The following GNAL variants were observed in gnomAD, a reference collection of about 807,000 sequenced individuals.
The protein encoded by GNAL is G protein subunit alpha L.
In GNAL, 18 loss-of-function variants were observed where a neutral mutation model predicts 55.1. The ratio of observed to expected loss-of-function variants is 0.33; its 90% confidence interval spans 0.23 to 0.48. The LOEUF is 0.48. Ranked by LOEUF, GNAL falls within the 20% of genes least tolerant of loss-of-function variation. The pLI is 0.99. For synonymous variants in GNAL, 253 were observed against 237.0 expected, an observed-to-expected ratio of 1.07 and a Z score of -0.62; for missense variants, 412 against 614.1, an observed-to-expected ratio of 0.67 and a Z score of 3.48.
chr18:11,728,791 A>T (rs2032271456), intron 1 of GNAL, among the ~76,000 whole-genome samples: 1 of 152,166 alleles, frequency 6.6e-6, no homozygotes, highest in Non-Finnish European at 1.5e-5. Context: ...ATATTCCTGG[A>T]TTCCTGTCTT....
intron 1 of GNAL, among the ~76,000 whole-genome samples, chr18:11,743,603 A>G (rs2143035947): frequency 6.6e-6 from 1 of 152,300 alleles, no homozygotes; most frequent in African/African-American, 2.4e-5. Flanking sequence ...GATGTTTGTT[A>G]ATTGGTAAAG....
intron 1 of GNAL, among the ~76,000 whole-genome samples, chr18:11,736,710 C>T (rs2032470657): frequency 6.6e-6 from 1 of 152,188 alleles, no homozygotes; most frequent in Non-Finnish European, 1.5e-5. Flanking sequence ...AGAAGAGAAA[C>T]AGGACAGCTA....
chr18:11,752,303 C>T lies in GNAL; in HGVS notation c.377-550C>T. The stretch of plus-strand genomic sequence containing the variant: ...ACGCCTGCTCTGAATCGGAAAACAC[C>T]GAAGAGACCAGACCATCTCTTTCAG... On this transcript the variant is annotated intron_variant, in intron 1 of 11. Transcript: ENST00000334049. This position sits in a 1 kb window ranked among gnomAD's most constrained non-coding sequence, Gnocchi z 4.5. 1.4e-6 allele frequency: 2 copies of T among 1,449,506 alleles called. No individual in the cohort carries two copies. The highest frequency in any genetic ancestry group is 9.1e-7 in the Non-Finnish European group (1 of 1,104,666). 89.8% of individuals were successfully genotyped at this position (1,449,506 alleles called of 1,614,324 possible). A position where few individuals can be genotyped will look rare whatever the true frequency, so the allele number is the denominator to read the frequency against.
intron 4 of GNAL, among the ~76,000 whole-genome samples, chr18:11,762,277 G>A (rs958066569): frequency 2.6e-4 from 40 of 152,154 alleles, no homozygotes; most frequent in African/African-American, 8.9e-4. Context: ...TTTTCAGTGG[G>A]GCCACATGGA....
At chr18:11,879,211 C>G (rs1394383940) in intron 11 of GNAL, among the ~76,000 whole-genome samples, 1 of 151,554 alleles carries the variant, frequency 6.6e-6, no homozygotes, top group Non-Finnish European at 1.5e-5. Context: ...TAAAATAGGT[C>G]TATCCCCGTG....
chr18:11,752,120 G>T lies in GNAL; in HGVS notation c.377-733G>T, dbSNP rs1235799743. ...CGCTGCGCCACCTCGGCTGTCTCCA[G>T]CGGAGACCGGCGCCCTCGCCCCCCG... On this transcript the variant is annotated intron_variant, in intron 1 of 11. Transcript: ENST00000334049. This position sits in a 1 kb window ranked among gnomAD's most constrained non-coding sequence, Gnocchi z 4.5. 2 of 200,610 alleles carry T rather than the reference G, an allele frequency of 1.0e-5. No individual in the cohort carries two copies. Among genetic ancestry groups the T allele is most frequent in the Admixed American group, 6.3e-5 (1 of 15,978 alleles). 12.4% of individuals were successfully genotyped at this position (200,610 alleles called of 1,614,324 possible).
chr18:11,707,761 T>C (rs1034299322), intron 1 of GNAL, among the ~76,000 whole-genome samples: 1 of 152,244 alleles, frequency 6.6e-6, no homozygotes, highest in African/African-American at 2.4e-5. Context: ...GGCTGTTGTT[T>C]AGTGTAGCCA....
chr18:11,849,501 C>CAAAAAAAAAAAAAAAAA (rs71172025), intron 5 of GNAL, among the ~76,000 whole-genome samples: 3 of 130,478 alleles, frequency 2.3e-5, no homozygotes, highest in African/African-American at 6.4e-5. Context: ...GATTTCATCT[C>CAAAAAAAAAAAAAAAAA]AAAAAAAAAA....
At chr18:11,876,486 T>C in intron 10 of GNAL, 135 bp from the exon 11 acceptor site, 2 of 659,630 alleles carry the variant, frequency 3.0e-6, no homozygotes, top group South Asian at 3.6e-5. Flanking sequence ...TACATGTTTG[T>C]TTTTGCCTTG....
At chr18:11,813,790 G>T (rs1338184399) in intron 4 of GNAL, among the ~76,000 whole-genome samples, 3 of 152,078 alleles carry the variant, frequency 2.0e-5, no homozygotes, top group South Asian at 2.1e-4. Flanking sequence ...ACATGGGAGG[G>T]TGGCTTGAGC....
At position 11,801,159 on chromosome 18, in the gene GNAL, TGATATACATCAG is replaced by T. The variant is rs537278845; in HGVS notation, c.625-23756_625-23745del. ...TGTGTCAAGGGCAATGCTAAGTGCT[TGATATACATCAG>T]GAACAAAACAAAAAGATATCTGCCC... On this transcript the variant is annotated intron_variant, in intron 4 of 11. Transcript: ENST00000334049. Among the ~76,000 whole-genome samples, 1,230 of 152,326 alleles carry T rather than the reference TGATATACATCAG, an allele frequency of 8.1e-3. 8 individuals carry two copies. The highest frequency in any genetic ancestry group is 0.014 in the Middle Eastern group (4 of 294).
intron 5 of GNAL, among the ~76,000 whole-genome samples, chr18:11,832,378 G>A (rs190863915): frequency 1.3e-4 from 20 of 152,276 alleles, no homozygotes; most frequent in African/African-American, 4.6e-4. Context: ...TGATTTTTCT[G>A]CTGCAGTCCC....
At chr18:11,803,137 G>A (rs1238852519) in intron 4 of GNAL, among the ~76,000 whole-genome samples, 1 of 152,116 alleles carries the variant, frequency 6.6e-6, no homozygotes, top group Non-Finnish European at 1.5e-5. Flanking sequence ...CTGTGGCATA[G>A]AACATTCACA....
chr18:11,867,771 A>G (rs1415529511), intron 8 of GNAL, among the ~76,000 whole-genome samples: 1 of 149,434 alleles, frequency 6.7e-6, no homozygotes, highest in Non-Finnish European at 1.5e-5. Flanking sequence ...CTGAGATCGC[A>G]CCACTGCAGC....
chr18:11,881,109 C>A lies in GNAL; in HGVS notation c.1351C>A (p.His451Asn). ...NDCRDIIQRMHLKQYELL is the reference protein window; with the variant it reads ...NDCRDIIQRMNLKQYELL ...CTGCCGCGACATCATCCAGCGGATG[C>A]ACCTCAAGCAGTATGAGCTCTTGTG... is the stretch of plus-strand genomic sequence containing the variant. Residue 451 changes from histidine to asparagine, a missense_variant, in exon 12 of 12, where the codon CAC becomes AAC. By Grantham distance (68) the His-to-Asn change is moderately conservative (BLOSUM62 1). Transcript: ENST00000334049. The surrounding 1 kb of genome is among the most constrained non-coding windows in gnomAD (Gnocchi z 4.8). The A allele has an allele frequency of 6.2e-7, 1 of 1,611,668 alleles. No individual in the cohort carries two copies. Among genetic ancestry groups the A allele is most frequent in the Non-Finnish European group, 8.5e-7 (1 of 1,178,856 alleles).
chr18:11,750,376 G>A (rs2032788294), intron 1 of GNAL, among the ~76,000 whole-genome samples: 1 of 152,146 alleles, frequency 6.6e-6, no homozygotes, highest in Admixed American at 6.5e-5. Flanking sequence ...AGGATGGGCT[G>A]GGCTAGGGAT....
At chr18:11,691,855 G>A (rs899900230) in intron 1 of GNAL, among the ~76,000 whole-genome samples, 2 of 152,168 alleles carry the variant, frequency 1.3e-5, no homozygotes, top group African/African-American at 2.4e-5. Flanking sequence ...CAGTGTGCTC[G>A]CTGTGTAACT....
intron 1 of GNAL, among the ~76,000 whole-genome samples, chr18:11,727,861 G>A (rs1201677803): frequency 2.0e-5 from 3 of 152,200 alleles, no homozygotes; most frequent in African/African-American, 2.4e-5. Flanking sequence ...CCTATGGAGT[G>A]TGGGCTATGG....
chr18:11,873,199 A>C (rs1189840675), intron 10 of GNAL, among the ~76,000 whole-genome samples: 1 of 152,238 alleles, frequency 6.6e-6, no homozygotes, highest in Non-Finnish European at 1.5e-5. Flanking sequence ...AGAATAAAAG[A>C]CACTTTCCTG....
Sources: allele counts gnomAD v4.1 joint callset (sites outside exome capture counted in the v4.1 genomes callset), GRCh38; gene constraint gnomAD v4.1.1; non-coding constraint Gnocchi (gnomAD v3.1); transcripts MANE v1.5; gene names NCBI Gene and HGNC (gene_info 2026-07-23, HGNC 2026-07-21).